The following MAP2K4 variants were observed in gnomAD, a reference collection of about 807,000 sequenced individuals.
The protein encoded by MAP2K4 is dual specificity mitogen-activated protein kinase kinase 4.
Under a neutral mutation model 48.5 loss-of-function variants are expected in MAP2K4, and 4 were observed. That is an observed-to-expected ratio of 0.08 (90% confidence interval 0.04 to 0.19). MAP2K4 has a LOEUF of 0.19. Ranked by LOEUF, MAP2K4 falls within the 10% of genes least tolerant of loss-of-function variation. The pLI is 1.00. For synonymous variants in MAP2K4, 166 were observed against 173.1 expected, an observed-to-expected ratio of 0.96 and a Z score of 0.32; for missense variants, 258 against 493.3, an observed-to-expected ratio of 0.52 and a Z score of 4.52.
chr17:12,119,265 A>G lies in MAP2K4; in HGVS notation c.813+5905A>G, dbSNP rs117958338. 4.8e-4 allele frequency among the ~76,000 whole-genome samples: 73 copies of G among 152,352 alleles called. 1 individual carries two copies. In the East Asian group the frequency reaches 0.014, roughly 29 times the overall value. ...ATAACTATGTGTCTCACAAAGTTCT[A>G]ATATTCAGCATCTATAAGGAACTTA... On this transcript the variant is annotated intron_variant, in intron 7 of 10. Transcript: ENST00000353533.
At chr17:12,032,419 C>T (rs1969469120) in intron 1 of MAP2K4, 3 of 412,928 alleles carry the variant, frequency 7.3e-6, no homozygotes, top group Non-Finnish European at 1.3e-5. Flanking sequence ...CAAAGAGCTA[C>T]CATTTTTCAT....
intron 1 of MAP2K4, among the ~76,000 whole-genome samples, chr17:12,028,392 A>G (rs1404725955): frequency 6.6e-6 from 1 of 152,236 alleles, no homozygotes; most frequent in African/African-American, 2.4e-5. Flanking sequence ...AGTTTCAGAA[A>G]GTTGACATAA....
Position 12,129,255 on chromosome 17 carries a change from C to G in MAP2K4, c.1008C>G (p.Phe336Leu). 1 of 1,614,240 alleles carries G rather than the reference C, an allele frequency of 6.2e-7. No individual in the cohort carries two copies. Among genetic ancestry groups the G allele is most frequent in the South Asian group, 1.1e-5 (1 of 91,088 alleles). The change falls in exon 9 of 11, where the codon TTC (phenylalanine) becomes TTG (leucine). Residue 336 changes from phenylalanine to leucine, a missense_variant. By Grantham distance (22) the Phe-to-Leu change is conservative (BLOSUM62 0). Coordinates refer to ENST00000353533, the MANE Select transcript of MAP2K4 (RefSeq NM_003010.4). ...PQLSNSEERE[F>L]SPSFINFVNL... is the part of the protein sequence containing the mutation. ...TGAGTAATTCTGAGGAAAGGGAATT[C>G]TCCCCGAGTTTCATCAACTTTGTCA...
At position 12,081,483 on chromosome 17, in the gene MAP2K4, G is replaced by T; in HGVS notation, c.346G>T (p.Val116Phe). 6.2e-7 allele frequency: 1 copy of T among 1,614,134 alleles called. No individual in the cohort carries two copies. The highest frequency in any genetic ancestry group is 1.3e-5 in the African/African-American group (1 of 75,044). The change falls in exon 3 of 11, where the codon GTC (valine) becomes TTC (phenylalanine). Residue 116 changes from valine (V) to phenylalanine (F), a missense_variant. Coordinates refer to ENST00000353533, the MANE Select transcript of MAP2K4 (RefSeq NM_003010.4). The surrounding 1 kb of genome is among the most constrained non-coding windows in gnomAD (Gnocchi z 4.2). ...GEIGRGAYGS[V>F]NKMVHKPSGQ... Reference sequence around the variant, plus strand: ...AATTGGACGAGGAGCTTATGGTTCTGTCAACAAAATGGTCCACAAACCAAG... The same window carrying T: ...AATTGGACGAGGAGCTTATGGTTCTTTCAACAAAATGGTCCACAAACCAAG...
chr17:12,125,459 C>G, intron 8 of MAP2K4, 88 bp downstream of exon 8: 1 of 1,001,138 alleles, frequency 1.0e-6, no homozygotes, highest in East Asian at 2.4e-5. Context: ...CTTCCCCGTT[C>G]GTTAAGAACT....
intron 4 of MAP2K4, among the ~76,000 whole-genome samples, chr17:12,103,186 T>C (rs1364019316): frequency 6.6e-6 from 1 of 151,428 alleles, no homozygotes; most frequent in African/African-American, 2.4e-5. Context: ...ACTACAGGCA[T>C]GCACTACCAC....
rs1187962003 is a variant in MAP2K4, at chr17:12,118,523, G to A, written c.813+5163G>A. 2.6e-5 allele frequency among the ~76,000 whole-genome samples: 4 copies of A among 152,186 alleles called. No homozygotes were observed. The East Asian group carries it at 7.7e-4, about 29-fold the overall frequency. On this transcript the variant is annotated intron_variant, in intron 7 of 10. Coordinates refer to ENST00000353533, the MANE Select transcript of MAP2K4 (RefSeq NM_003010.4). Reference sequence around the variant, plus strand: ...GCCTTATGCTTATTGCAGGGAAGCTGGACTGAAAGAAGAGTGAAAGATTTT... The same window carrying A: ...GCCTTATGCTTATTGCAGGGAAGCTAGACTGAAAGAAGAGTGAAAGATTTT...
intron 1 of MAP2K4, among the ~76,000 whole-genome samples, chr17:12,049,726 A>G (rs920057841): frequency 7.2e-5 from 11 of 152,286 alleles, no homozygotes; most frequent in African/African-American, 2.2e-4. Flanking sequence ...TCCTTCTGCT[A>G]TAGTATTGTG....
Position 12,047,164 on chromosome 17 carries a change from T to G in MAP2K4, c.116-7725T>G, listed in dbSNP as rs1329314592. On this transcript the variant is annotated intron_variant, in intron 1 of 10. Transcript: ENST00000353533. Reference sequence around the variant, plus strand: ...GAAATGCTGAGGGTGAATTATTTTGTTTTTTTTTTCCTTGACAGTAGAGCC... The same window carrying G: ...GAAATGCTGAGGGTGAATTATTTTGGTTTTTTTTTCCTTGACAGTAGAGCC... Among the ~76,000 whole-genome samples, 4 of 148,248 alleles carry G rather than the reference T, an allele frequency of 2.7e-5. 1 individual carries two copies. Among genetic ancestry groups the G allele is most frequent in the African/African-American group, 5.0e-5 (2 of 40,074 alleles).
At chr17:12,038,228 T>C (rs539531768) in intron 1 of MAP2K4, among the ~76,000 whole-genome samples, 34 of 152,096 alleles carry the variant, frequency 2.2e-4, no homozygotes, top group Non-Finnish European at 4.0e-4. Context: ...GCTCATACAT[T>C]TAGGGTGATG....
chr17:12,049,636 C>A (rs1970071587), intron 1 of MAP2K4, among the ~76,000 whole-genome samples: 1 of 152,272 alleles, frequency 6.6e-6, no homozygotes, highest in South Asian at 2.1e-4. Flanking sequence ...CACATTCAAA[C>A]TCAGGGTAGC....
At chr17:12,030,238 A>G (rs919084230) in intron 1 of MAP2K4, among the ~76,000 whole-genome samples, 3 of 152,188 alleles carry the variant, frequency 2.0e-5, no homozygotes, top group Non-Finnish European at 2.9e-5. Flanking sequence ...ATGTTAAGAA[A>G]GTTACAGAAT....
chr17:12,048,081 T>C (rs1970023249), intron 1 of MAP2K4, among the ~76,000 whole-genome samples: 1 of 152,242 alleles, frequency 6.6e-6, no homozygotes, highest in African/African-American at 2.4e-5. Context: ...TTGCCCAGGC[T>C]GCTTTTGAAC....
chr17:12,072,321 A>C (rs1970844051), intron 2 of MAP2K4, among the ~76,000 whole-genome samples: 1 of 152,192 alleles, frequency 6.6e-6, no homozygotes, highest in Non-Finnish European at 1.5e-5. Flanking sequence ...GAGGAACATG[A>C]AGCCCAATAC....
At chr17:12,057,194 A>G (rs1021482514) in intron 2 of MAP2K4, among the ~76,000 whole-genome samples, 2 of 152,158 alleles carry the variant, frequency 1.3e-5, no homozygotes, top group Non-Finnish European at 2.9e-5. Flanking sequence ...AGTAAGGCAT[A>G]AGGTAATATG....
chr17:12,131,658 C>T (rs1398952030), intron 9 of MAP2K4, among the ~76,000 whole-genome samples: 1 of 151,936 alleles, frequency 6.6e-6, no homozygotes, highest in East Asian at 1.9e-4. Context: ...AGAATGTTTT[C>T]ATTACGTTTG....
chr17:12,070,604 A>G (rs1361529494), intron 2 of MAP2K4, among the ~76,000 whole-genome samples: 1 of 152,250 alleles, frequency 6.6e-6, no homozygotes, highest in Non-Finnish European at 1.5e-5. Context: ...GATTATTTGC[A>G]TGATAGATGC....
chr17:12,082,142 TA>T (rs939187251), intron 3 of MAP2K4: 8,230 of 208,680 alleles, frequency 0.039, no homozygotes, highest in South Asian at 0.094. Flanking sequence ...ATATGTTCAT[TA>T]AAAAAAAAAA....
At chr17:12,043,315 A>G (rs12946579) in intron 1 of MAP2K4, among the ~76,000 whole-genome samples, 7 of 151,942 alleles carry the variant, frequency 4.6e-5, no homozygotes, top group African/African-American at 1.7e-4. Context: ...TTTTTATTTC[A>G]TATTTCCAAT....
Sources: gnomAD v4.1 joint callset for allele counts (sites outside exome capture counted in the v4.1 genomes callset) on GRCh38, gnomAD v4.1.1 for gene constraint, Gnocchi (gnomAD v3.1) non-coding constraint, MANE v1.5 for transcripts, NCBI Gene and HGNC (gene_info 2026-07-23, HGNC 2026-07-21) for gene names.